ANK2: variants seen among roughly 807,000 people sequenced by gnomAD.
The protein encoded by ANK2 is ankyrin 2.
ANK2 carries 83 observed loss-of-function variants against 360.5 expected under a neutral mutation model. The ratio of observed to expected loss-of-function variants is 0.23; its 90% CI spans 0.19 to 0.28. ANK2 has a LOEUF of 0.28. Ranked by LOEUF, ANK2 falls within the 10% of genes least tolerant of loss-of-function variation. ANK2 has a pLI of 1.00. For missense variants in ANK2, 4,201 were observed against 4,795.7 expected (o/e 0.88, Z 3.66); for synonymous variants, 1,740 against 1,759.5 (o/e 0.99, Z 0.28).
intron 1 of ANK2, among the ~76,000 whole-genome samples, chr4:112,875,840 C>G (rs145923200): frequency 6.6e-6 from 1 of 152,060 alleles, no homozygotes; most frequent in African/African-American, 2.4e-5. Flanking sequence ...CTCCTGGGCT[C>G]AAGCAATCTT....
At chr4:113,097,020 T>G (rs2091338913) in intron 1 of ANK2, among the ~76,000 whole-genome samples, 1 of 150,942 alleles carries the variant, frequency 6.6e-6, no homozygotes, top group African/African-American at 2.5e-5. Context: ...TGGACCTTTC[T>G]GTGGCAAATA....
chr4:113,083,156 C>T (rs1247182641), intron 1 of ANK2, among the ~76,000 whole-genome samples: 3 of 152,044 alleles, frequency 2.0e-5, no homozygotes, highest in East Asian at 3.9e-4. Context: ...CATATGTATA[C>T]ATGTGCCATG....
At chr4:112,910,255 G>T (rs1277626367) in intron 2 of ANK2, among the ~76,000 whole-genome samples, 2 of 152,158 alleles carry the variant, frequency 1.3e-5, no homozygotes, top group Non-Finnish European at 2.9e-5. Flanking sequence ...CTCAGCTGGG[G>T]CTGTTCAGTG....
At chr4:113,241,848 C>T (rs538201618) in intron 8 of ANK2, among the ~76,000 whole-genome samples, 2 of 152,308 alleles carry the variant, frequency 1.3e-5, no homozygotes, top group South Asian at 4.1e-4. Flanking sequence ...TGTCTCTTGA[C>T]TATAACTTGT....
intron 27 of ANK2, among the ~76,000 whole-genome samples, chr4:113,330,726 C>A (rs1452590263): frequency 6.6e-6 from 1 of 152,152 alleles, no homozygotes; most frequent in African/African-American, 2.4e-5. Flanking sequence ...AGCTGCCAGA[C>A]CCCCAATGTG....
At chr4:112,794,239 T>C in the ANK2 span, among the ~76,000 whole-genome samples, 1,261 of 152,336 alleles carry the variant, frequency 8.3e-3, 19 homozygotes, top group African/African-American at 0.029. Context: ...TTTATTTGCA[T>C]GGATTTCTAA....
intron 22 of ANK2, among the ~76,000 whole-genome samples, chr4:113,296,846 A>C (rs2071818606): frequency 6.6e-6 from 1 of 152,192 alleles, no homozygotes; most frequent in South Asian, 2.1e-4. Flanking sequence ...CCTTCCGCTA[A>C]TTGATCAACC....
intron 5 of ANK2, among the ~76,000 whole-genome samples, chr4:113,235,886 C>T (rs1359698518): frequency 2.0e-5 from 3 of 152,014 alleles, no homozygotes; most frequent in East Asian, 1.9e-4. Flanking sequence ...GGACTACAGG[C>T]GCCTGCCACC....
chr4:112,961,932 TG>T (rs1049710520), intron 2 of ANK2, among the ~76,000 whole-genome samples: 9 of 152,138 alleles, frequency 5.9e-5, no homozygotes, highest in Non-Finnish European at 8.8e-5. Flanking sequence ...TTAATTTGTT[TG>T]GGATGGGGCC....
chr4:112,852,492 A>C (rs2065248949), intron 1 of ANK2, among the ~76,000 whole-genome samples: 1 of 152,254 alleles, frequency 6.6e-6, no homozygotes, highest in South Asian at 2.1e-4. Context: ...CAACATTTCT[A>C]GTATAGGCTA....
At chr4:112,883,736 A>G (rs534923269) in intron 1 of ANK2, among the ~76,000 whole-genome samples, 1 of 152,152 alleles carries the variant, frequency 6.6e-6, no homozygotes, top group East Asian at 1.9e-4. Flanking sequence ...AGAACTCCAT[A>G]TTGCAGTCAT....
At position 113,308,714 on chromosome 4, in the gene ANK2, T is replaced by A. The variant is rs1255050175; in HGVS notation, c.2549-2541T>A. ...GATTGTTAACAAACAGGAGTCAGAG[T>A]GTGAAATAAAGAAGGTCTAAGAGTT... On this transcript the variant is annotated intron_variant, in intron 23 of 45. Transcript: ENST00000357077. Among the ~76,000 whole-genome samples, 7 of 152,034 alleles carry A rather than the reference T, an allele frequency of 4.6e-5. No homozygotes were observed. In the East Asian group the frequency reaches 1.2e-3, roughly 25 times the overall value.
chr4:113,032,899 A>G (rs1007988118), intron 2 of ANK2, among the ~76,000 whole-genome samples: 2 of 152,034 alleles, frequency 1.3e-5, no homozygotes, highest in East Asian at 1.9e-4. Context: ...CCAGGAAAGC[A>G]TAGAGTTTTT....
chr4:113,253,360 C>A (rs922534037), intron 10 of ANK2, among the ~76,000 whole-genome samples: 1 of 152,142 alleles, frequency 6.6e-6, no homozygotes, highest in Non-Finnish European at 1.5e-5. Flanking sequence ...ACTATGAAAT[C>A]TCATGCAGTT....
intron 1 of ANK2, among the ~76,000 whole-genome samples, chr4:113,151,465 A>G (rs1454671929): frequency 6.6e-6 from 1 of 152,040 alleles, no homozygotes; most frequent in Non-Finnish European, 1.5e-5. Context: ...CTTGTTAATG[A>G]TCAGCCATCA....
chr4:112,850,265 T>C (rs1290880218), intron 1 of ANK2, among the ~76,000 whole-genome samples: 2 of 123,520 alleles, frequency 1.6e-5, no homozygotes, highest in East Asian at 2.2e-4. Context: ...TCTATCTATC[T>C]ATCTATCTAT....
intron 2 of ANK2, among the ~76,000 whole-genome samples, chr4:112,921,904 C>T (rs2091635055): frequency 6.6e-6 from 1 of 152,148 alleles, no homozygotes; most frequent in Non-Finnish European, 1.5e-5. Context: ...TGGAATAAAA[C>T]TCTGGTCTGA....
chr4:113,023,101 G>A (rs1433405559), intron 2 of ANK2, among the ~76,000 whole-genome samples: 1 of 151,988 alleles, frequency 6.6e-6, no homozygotes, highest in African/African-American at 2.4e-5. Context: ...AAACCTACAC[G>A]TCCTGCACAT....
rs368037380 is a variant in ANK2 at position 113,186,976 on chromosome 4, T to G, written c.187-9392T>G. Among the ~76,000 whole-genome samples, 92 of 151,504 alleles carry G rather than the reference T, an allele frequency of 6.1e-4. 1 individual carries two copies. The highest frequency in any genetic ancestry group is 2.0e-3 in the African/African-American group (84 of 41,260). On this transcript the variant is annotated intron_variant, in intron 2 of 45. Coordinates refer to ENST00000357077, the MANE Select transcript of ANK2 (RefSeq NM_001148.6). ...GAAATGAAAGGTCTTCAGGGTAGGA[T>G]AAAAGAGACCAAGATGCAGATGAGC... is the stretch of plus-strand genomic sequence containing the variant.
Sources: allele counts gnomAD v4.1 joint callset (sites outside exome capture counted in the v4.1 genomes callset), GRCh38; gene constraint gnomAD v4.1.1; transcripts MANE v1.5; gene names NCBI Gene and HGNC (gene_info 2026-07-23, HGNC 2026-07-21).